DNAJB6: variants seen among roughly 807,000 people sequenced by gnomAD.
DNAJB6 encodes the protein dnaJ homolog subfamily B member 6.
In DNAJB6, 16 loss-of-function variants were observed where a neutral mutation model predicts 42.7. That is an observed-to-expected ratio of 0.37 (90% CI 0.25 to 0.57). The LOEUF is 0.57. DNAJB6 is among the 20% of genes least tolerant of loss of function. The pLI is 0.74. For missense variants in DNAJB6, 347 were observed against 416.8 expected (o/e 0.83, Z 1.46); for synonymous variants, 170 against 163.5 (o/e 1.04, Z -0.30).
chr7:157,352,720 G>A (rs1005638787), intron 1 of DNAJB6, among the ~76,000 whole-genome samples: 2 of 152,120 alleles, frequency 1.3e-5, no homozygotes, highest in African/African-American at 4.8e-5. Flanking sequence ...TAGCACTTAG[G>A]ATATTCTAGA....
intron 4 of DNAJB6, among the ~76,000 whole-genome samples, chr7:157,367,005 C>T (rs552876840): frequency 9.2e-5 from 14 of 152,338 alleles, no homozygotes; most frequent in African/African-American, 3.4e-4. Context: ...ACTGGGGCCA[C>T]GCGGCAGCTT....
Position 157,399,856 on chromosome 7 carries a change from A to G in DNAJB6, c.692-9939A>G, listed in dbSNP as rs543106929. ...GCTAACTTTTGTATTTTTAGTAGAG[A>G]CGGGGTTTCACCACGTTGGCCAGGC... On this transcript the variant is annotated intron_variant, in intron 8 of 9. Transcript: ENST00000262177. Among the ~76,000 whole-genome samples, 6 of 152,126 alleles carry G rather than the reference A, an allele frequency of 3.9e-5. No individual in the cohort carries two copies. In the South Asian group the frequency reaches 1.2e-3, roughly 32 times the overall value.
At chr7:157,340,504 C>T (rs1348483777) in intron 1 of DNAJB6, among the ~76,000 whole-genome samples, 1 of 151,696 alleles carries the variant, frequency 6.6e-6, no homozygotes, top group Non-Finnish European at 1.5e-5. Context: ...ACAACGCCTA[C>T]CTGCAGAAAA....
chr7:157,410,157 T>C (rs1243341302), intron 9 of DNAJB6, 156 bp downstream of exon 9: 9 of 1,399,976 alleles, frequency 6.4e-6, no homozygotes, highest in Admixed American at 3.2e-5. Context: ...CTCGCTCTGC[T>C]CCTCTCCCGC....
rs555830169 is a variant in DNAJB6 at position 157,341,195 on chromosome 7, G to A, written c.-27+4051G>A. On this transcript the variant is annotated intron_variant, in intron 1 of 9. Transcript: ENST00000262177. ...GGCTGGATGCAGTGGCGCCATCTCG[G>A]CTCACTGCAACCTCTGCCGCACGGG... Among the ~76,000 whole-genome samples the A allele has an allele frequency of 3.3e-5, 5 of 152,200 alleles. No homozygotes were observed. The South Asian group carries it at 1.0e-3, about 32-fold the overall frequency.
chr7:157,363,278 A>G lies in DNAJB6; in HGVS notation c.175+8A>G, dbSNP rs781714119. On this transcript the variant is annotated splice_region_variant and intron_variant, in intron 3 of 9. Transcript: ENST00000262177. ...ATGAAGTGCTGTCGGATGGTGAGTG[A>G]CAGCGAGCTGCTGAAGGACCCTGAG... is the stretch of plus-strand genomic sequence containing the variant. 3 of 1,592,702 alleles carry G rather than the reference A, an allele frequency of 1.9e-6. No individual in the cohort carries two copies. Among genetic ancestry groups the G allele is most frequent in the Non-Finnish European group, 8.6e-7 (1 of 1,164,056 alleles).
intron 1 of DNAJB6, among the ~76,000 whole-genome samples, chr7:157,353,627 ATTTT>A (rs1554453993): frequency 9.3e-6 from 1 of 107,228 alleles, no homozygotes; most frequent in African/African-American, 4.0e-5. Flanking sequence ...GTGTGTATGT[ATTTT>A]TTTTTGTTTG....
chr7:157,394,974 C>G (rs998338850), intron 8 of DNAJB6, among the ~76,000 whole-genome samples: 45 of 152,148 alleles, frequency 3.0e-4, no homozygotes, highest in African/African-American at 1.1e-3. Context: ...GCCTCTAGTC[C>G]CAGCTACTCA....
At chr7:157,369,357 C>T (rs1291518774) in intron 5 of DNAJB6, 2 of 456,584 alleles carry the variant, frequency 4.4e-6, no homozygotes, top group Admixed American at 2.3e-5. Flanking sequence ...TGTTGCTTTG[C>T]AGGACAGGGC....
intron 1 of DNAJB6, among the ~76,000 whole-genome samples, chr7:157,349,679 C>G (rs971834861): frequency 6.6e-6 from 1 of 152,112 alleles, no homozygotes; most frequent in Non-Finnish European, 1.5e-5. Context: ...GAGTCTCACT[C>G]TGTCATCCAG....
intron 5 of DNAJB6, chr7:157,379,818 T>A (rs1800661270): frequency 1.4e-5 from 2 of 146,588 alleles, no homozygotes; most frequent in African/African-American, 2.5e-5. Context: ...TTTTTTTTTT[T>A]TTTTTTTTTT....
In DNAJB6 at chr7:157,363,457, C is replaced by T. The variant is rs3802096; in HGVS notation, c.175+187C>T. ...AGATTTGAATTGATTTAGGTAACCA[C>T]GAGTGCTGGGGAGCTCCAGGGCTTC... is the stretch of plus-strand genomic sequence containing the variant. On this transcript the variant is annotated intron_variant, in intron 3 of 9. Transcript: ENST00000262177. 0.41 allele frequency among the ~76,000 whole-genome samples: 61,896 copies of T among 152,048 alleles called. 14,063 individuals carry two copies. Among genetic ancestry groups the T allele is most frequent in the Middle Eastern group, 0.56 (164 of 294 alleles).
intron 1 of DNAJB6, among the ~76,000 whole-genome samples, chr7:157,352,550 G>A (rs536725373): frequency 6.6e-6 from 1 of 152,068 alleles, no homozygotes; most frequent in African/African-American, 2.4e-5. Flanking sequence ...CCCTGGTGAG[G>A]GTGTGGCATC....
At chr7:157,339,920 C>T (rs1563103899) in intron 1 of DNAJB6, 1 of 152,258 alleles carries the variant, frequency 6.6e-6, no homozygotes, top group Non-Finnish European at 1.5e-5. Flanking sequence ...GCCCGCGCGT[C>T]CGGCTGTCAC....
chr7:157,404,746 T>C (rs1795695764), intron 8 of DNAJB6, among the ~76,000 whole-genome samples: 1 of 152,140 alleles, frequency 6.6e-6, no homozygotes, highest in Non-Finnish European at 1.5e-5. Flanking sequence ...CCTCAAGTGA[T>C]CCGCCTGCCT....
At chr7:157,402,581 A>G (rs1795574192) in intron 8 of DNAJB6, among the ~76,000 whole-genome samples, 1 of 152,192 alleles carries the variant, frequency 6.6e-6, no homozygotes, top group Non-Finnish European at 1.5e-5. Context: ...GACCACTCAC[A>G]CCACTTCCAC....
At chr7:157,343,099 C>T (rs1798500148) in intron 1 of DNAJB6, among the ~76,000 whole-genome samples, 1 of 151,416 alleles carries the variant, frequency 6.6e-6, no homozygotes, top group African/African-American at 2.4e-5. Flanking sequence ...TCAAGCAATT[C>T]TTGTGCTTCA....
chr7:157,392,117 A>G (rs921026630), intron 8 of DNAJB6, among the ~76,000 whole-genome samples: 2 of 149,754 alleles, frequency 1.3e-5, no homozygotes, highest in Non-Finnish European at 3.0e-5. Flanking sequence ...AAAAAAAAAA[A>G]GGATAGTCAT....
chr7:157,410,282 G>A, intron 9 of DNAJB6: 1 of 628,826 alleles, frequency 1.6e-6, no homozygotes, highest in Non-Finnish European at 2.4e-6. Flanking sequence ...ACGGCAGTGC[G>A]AGGTGCTGCT....
Sources: gnomAD v4.1 joint callset for allele counts (sites outside exome capture counted in the v4.1 genomes callset) on GRCh38, gnomAD v4.1.1 for gene constraint, MANE v1.5 for transcripts, NCBI Gene and HGNC (gene_info 2026-07-23, HGNC 2026-07-21) for gene names.